The following USH2A variants were observed in gnomAD, a reference collection of about 807,000 sequenced individuals.
The protein encoded by USH2A is usherin, also known as Usher syndrome 2A (autosomal recessive, mild).
In USH2A, 443 loss-of-function variants were observed where a neutral mutation model predicts 538.9. The observed-to-expected ratio is 0.82, with a 90% confidence interval of 0.76 to 0.89. USH2A has a LOEUF of 0.89. Ranked by LOEUF, USH2A falls within the 40% of genes least tolerant of loss-of-function variation. The pLI, the probability that USH2A is intolerant of heterozygous loss-of-function variation, is 0.00. For missense variants in USH2A, 6,633 were observed against 6,324.8 expected (o/e 1.05, Z -1.65); for synonymous variants, 2,413 against 2,273.5 (o/e 1.06, Z -1.75).
At chr1:216,036,540 T>C (rs2029983039) in intron 32 of USH2A, among the ~76,000 whole-genome samples, 1 of 152,166 alleles carries the variant, frequency 6.6e-6, no homozygotes, top group Non-Finnish European at 1.5e-5. Flanking sequence ...CCAAATTAAA[T>C]ATTTTTCTAC....
chr1:216,297,291 T>C lies in USH2A; in HGVS notation c.1645-4921A>G, dbSNP rs79860595. Among the ~76,000 whole-genome samples the C allele has an allele frequency of 9.4e-3, 1,430 of 152,222 alleles. 9 individuals are homozygous for C. The highest frequency in any genetic ancestry group is 0.04 in the South Asian group (193 of 4,820). ...AACTTGCCTACTACTTTGATCGTTA[T>C]TGGATTCACGACAGAGGATTAAAGA... On this transcript the variant is annotated intron_variant, in intron 9 of 71. Coordinates refer to ENST00000307340, the MANE Select transcript of USH2A (RefSeq NM_206933.4).
Position 216,422,286 on chromosome 1 carries a change from A to C in USH2A, c.51T>G (p.Ile17Met). The change falls in exon 2 of 72, where the codon ATT (isoleucine) becomes ATG (methionine). Residue 17 changes from isoleucine to methionine, a missense_variant. Transcript: ENST00000307340. ...SLGSGFLFQV[I>M]EMLIFAYFAS... ...CAAAATAGGCAAAGATCAACATTTCAATGACCTGAAACAAGAAGCCAGAGC... is the reference window on the plus strand; with the variant it reads ...CAAAATAGGCAAAGATCAACATTTCCATGACCTGAAACAAGAAGCCAGAGC... 6.2e-7 allele frequency: 1 copy of C among 1,613,792 alleles called. No homozygotes were observed. Among genetic ancestry groups the C allele is most frequent in the Non-Finnish European group, 8.5e-7 (1 of 1,179,824 alleles).
Position 216,198,518 on chromosome 1 carries a change from T to C in USH2A, c.3878A>G (p.Glu1293Gly), listed in dbSNP as rs1558312065. 3 of 1,613,980 alleles carry C rather than the reference T, an allele frequency of 1.9e-6. No homozygotes were observed. The highest frequency in any genetic ancestry group is 2.5e-6 in the Non-Finnish European group (3 of 1,179,964). ...ACCACTGCTCTGAAAAACTCGACTT[T>C]CCTCAGATGTGGTTTCTTTAGTAGA... ...LRSTKETTSE[E>G]SRVFQSSGWL... The change falls in exon 18 of 72, where the codon GAA becomes GGA. Residue 1293 changes from glutamate to glycine, a missense_variant. Glu to Gly is a moderately conservative substitution (Grantham distance 98). Transcript: ENST00000307340.
At chr1:215,664,719 G>A (rs781010573) in intron 64 of USH2A, among the ~76,000 whole-genome samples, 6 of 152,086 alleles carry the variant, frequency 3.9e-5, no homozygotes, top group African/African-American at 9.7e-5. Flanking sequence ...GCCTTTGGGA[G>A]GTTATTAGGT....
intron 21 of USH2A, among the ~76,000 whole-genome samples, chr1:216,102,663 C>G (rs1489101103): frequency 6.6e-6 from 1 of 151,786 alleles, no homozygotes; most frequent in Non-Finnish European, 1.5e-5. Flanking sequence ...AGCCGGGCGT[C>G]GTGGCGGGCG....
chr1:216,110,036 A>C (rs947898241), intron 21 of USH2A, among the ~76,000 whole-genome samples: 1 of 152,188 alleles, frequency 6.6e-6, no homozygotes, highest in African/African-American at 2.4e-5. Flanking sequence ...GAATTTTTCA[A>C]AAATTTAGGA....
At chr1:216,031,534 T>C (rs1669123825) in intron 32 of USH2A, among the ~76,000 whole-genome samples, 1 of 152,178 alleles carries the variant, frequency 6.6e-6, no homozygotes, top group African/African-American at 2.4e-5. Flanking sequence ...AATTAGCTTC[T>C]TGCATTTAGT....
intron 3 of USH2A, among the ~76,000 whole-genome samples, chr1:216,392,377 G>C (rs935471609): frequency 6.6e-6 from 1 of 150,554 alleles, no homozygotes; most frequent in Non-Finnish European, 1.5e-5. Context: ...GCAGGCGCCT[G>C]TAGTCCCGGG....
Position 216,046,511 on chromosome 1 carries a change from T to G in USH2A, c.6245A>C (p.Asn2082Thr), listed in dbSNP as rs778263278. 3.7e-6 allele frequency: 6 copies of G among 1,613,726 alleles called. No homozygotes were observed. In the Admixed American group the frequency reaches 5.0e-5, roughly 13 times the overall value. ...LLSWNPPKKA[N>T]GIITQYCLYM... is the part of the protein sequence containing the mutation. ...TAAACAGTACTGAGTTATAATACCA[T>G]TTGCCTTTTTGGGTGGGTTCCAGGA... The change falls in exon 32 of 72, where the codon AAT becomes ACT. Residue 2082 changes from asparagine to threonine, a missense_variant. Asn to Thr is a moderately conservative substitution (Grantham distance 65). Coordinates refer to ENST00000307340, the MANE Select transcript of USH2A (RefSeq NM_206933.4).
chr1:216,167,140 T>C (rs991635068), intron 21 of USH2A, among the ~76,000 whole-genome samples: 1 of 152,092 alleles, frequency 6.6e-6, no homozygotes, highest in East Asian at 1.9e-4. Flanking sequence ...AATATGGTTT[T>C]CATATTATTA....
At chr1:216,243,696 T>C (rs1016442707) in intron 13 of USH2A, among the ~76,000 whole-genome samples, 1 of 152,350 alleles carries the variant, frequency 6.6e-6, no homozygotes. Context: ...GGAATGCCTT[T>C]AGAGAGTCAG....
chr1:216,266,523 ACTTTAACTTCCTATATCAGGAAG>A (rs1190077148), intron 11 of USH2A, among the ~76,000 whole-genome samples: 6 of 152,108 alleles, frequency 3.9e-5, no homozygotes, highest in African/African-American at 1.4e-4. Context: ...AGGATTCAAA[ACTTTAACTTCCTATATCAGGAAG>A]CTATTGAGTA....
At chr1:216,139,192 G>A (rs2033549031) in intron 21 of USH2A, among the ~76,000 whole-genome samples, 1 of 152,074 alleles carries the variant, frequency 6.6e-6, no homozygotes, top group African/African-American at 2.4e-5. Context: ...AGGTCAGAAA[G>A]CAAGTGTGGG....
chr1:216,279,866 C>T (rs1228265269), intron 11 of USH2A, among the ~76,000 whole-genome samples: 4 of 152,148 alleles, frequency 2.6e-5, no homozygotes, highest in East Asian at 3.9e-4. Flanking sequence ...GGACTTTCAC[C>T]GGTCTCCCTA....
At chr1:215,843,548 T>G (rs1663751727) in intron 46 of USH2A, among the ~76,000 whole-genome samples, 1 of 152,140 alleles carries the variant, frequency 6.6e-6, no homozygotes, top group African/African-American at 2.4e-5. Context: ...CTTTCTGAAA[T>G]TATGTGTTAA....
At chr1:215,923,075 A>G (rs770639410) in intron 38 of USH2A, among the ~76,000 whole-genome samples, 3 of 152,114 alleles carry the variant, frequency 2.0e-5, no homozygotes, top group Admixed American at 1.3e-4. Context: ...AGCCAAACAC[A>G]TATGTTAAGT....
At chr1:215,823,084 A>G (rs1663057130) in intron 47 of USH2A, among the ~76,000 whole-genome samples, 1 of 152,020 alleles carries the variant, frequency 6.6e-6, no homozygotes, top group African/African-American at 2.4e-5. Context: ...GCATGCTGCA[A>G]TTACAGTATT....
intron 53 of USH2A, among the ~76,000 whole-genome samples, chr1:215,782,462 C>G (rs1156516420): frequency 6.6e-6 from 1 of 152,146 alleles, no homozygotes; most frequent in Non-Finnish European, 1.5e-5. Context: ...CTTTCCCCTT[C>G]TCTGAATATG....
At chr1:215,871,150 C>T (rs1272800935) in intron 43 of USH2A, among the ~76,000 whole-genome samples, 1 of 152,106 alleles carries the variant, frequency 6.6e-6, no homozygotes, top group Non-Finnish European at 1.5e-5. Context: ...TGCTTGAGAC[C>T]ATCCTCCGGT....
Sources: allele counts gnomAD v4.1 joint callset (sites outside exome capture counted in the v4.1 genomes callset), GRCh38; gene constraint gnomAD v4.1.1; transcripts MANE v1.5; gene names NCBI Gene and HGNC (gene_info 2026-07-23, HGNC 2026-07-21).